The following DNAH11 variants were observed in gnomAD, a reference collection of about 807,000 sequenced individuals.
DNAH11 encodes dynein axonemal heavy chain 11.
A neutral mutation model predicts 526.0 loss-of-function variants in DNAH11; 442 were observed. That is an observed-to-expected ratio of 0.84 (90% CI 0.78 to 0.91). The LOEUF (loss-of-function observed/expected upper bound fraction) is 0.91. DNAH11 is among the 40% of genes least tolerant of loss of function. The pLI, the probability that DNAH11 is intolerant of heterozygous loss-of-function variation, is 0.00. For missense variants in DNAH11, 6,989 were observed against 5,448.7 expected, an observed-to-expected ratio of 1.28 and a Z score of -8.90; for synonymous variants, 2,461 against 1,935.9, an observed-to-expected ratio of 1.27 and a Z score of -7.12.
At chr7:21,778,751 A>T (rs1444878758) in intron 56 of DNAH11, among the ~76,000 whole-genome samples, 1 of 152,200 alleles carries the variant, frequency 6.6e-6, no homozygotes, top group Non-Finnish European at 1.5e-5. Flanking sequence ...CTGCAAAATC[A>T]TTGGAAAATA....
At chr7:21,858,197 C>T (rs556927535) in intron 68 of DNAH11, among the ~76,000 whole-genome samples, 1 of 152,254 alleles carries the variant, frequency 6.6e-6, no homozygotes, top group East Asian at 1.9e-4. Context: ...CTATGTCCCA[C>T]AGAATGGCTA....
intron 32 of DNAH11, among the ~76,000 whole-genome samples, chr7:21,685,906 T>C (rs763129565): frequency 1.6e-4 from 24 of 152,224 alleles, no homozygotes; most frequent in Non-Finnish European, 2.6e-4. Context: ...GGTTGGAGTT[T>C]GGTCACTTGG....
intron 69 of DNAH11, among the ~76,000 whole-genome samples, chr7:21,862,983 G>A (rs1005329403): frequency 6.2e-5 from 9 of 144,274 alleles, no homozygotes; most frequent in South Asian, 2.2e-4. Flanking sequence ...AGAATGGCAC[G>A]AACCCAGGAG....
intron 54 of DNAH11, among the ~76,000 whole-genome samples, chr7:21,756,382 C>G (rs1360486539): frequency 6.6e-6 from 1 of 151,804 alleles, no homozygotes; most frequent in Non-Finnish European, 1.5e-5. Context: ...TTAATTTGTT[C>G]CTGCATAATT....
intron 54 of DNAH11, among the ~76,000 whole-genome samples, chr7:21,750,985 A>C (rs1583657997): frequency 6.6e-6 from 1 of 152,152 alleles, no homozygotes; most frequent in African/African-American, 2.4e-5. Context: ...TGAATTAAGA[A>C]AGTGATGATG....
At chr7:21,869,041 C>T in intron 73 of DNAH11, 50 bp downstream of exon 73, 1 of 1,610,460 alleles carries the variant, frequency 6.2e-7, no homozygotes. Context: ...CAGAGGAGGG[C>T]CAGGGCAGAG....
chr7:21,636,190 A>T (rs1786856066), intron 26 of DNAH11, 95 bp downstream of exon 26: 2 of 1,097,516 alleles, frequency 1.8e-6, no homozygotes, highest in African/African-American at 1.6e-5. Flanking sequence ...GCATTTTTGC[A>T]TGAGTAAGCA....
At position 21,581,966 on chromosome 7, in the gene DNAH11, G is replaced by T. The variant is rs187510989; in HGVS notation, c.1655G>T (p.Gly552Val). 4.7e-5 allele frequency: 76 copies of T among 1,613,270 alleles called. No homozygotes were observed. The East Asian group carries it at 1.6e-3, about 34-fold the overall frequency. ...ACTCTGGAATTTGACAGAAGGCTTGGGACAATTATTTGTGAAGCTTTCTTT... is the reference window on the plus strand; with the variant it reads ...ACTCTGGAATTTGACAGAAGGCTTGTGACAATTATTTGTGAAGCTTTCTTT... ...SKTLEFDRRLGTIICEAFFNC... is the reference protein window; with the variant it reads ...SKTLEFDRRLVTIICEAFFNC... Residue 552 changes from glycine (G) to valine (V), a missense_variant, in exon 9 of 82, where the codon GGG becomes GTG. Physicochemically the swap from Gly to Val is moderately radical, Grantham distance 109. Coordinates refer to ENST00000409508, the MANE Select transcript of DNAH11 (RefSeq NM_001277115.2).
rs144406533 is a variant in DNAH11, at chr7:21,648,401, C to T, written c.4945-7431C>T. On this transcript the variant is annotated intron_variant, in intron 28 of 81. Coordinates refer to ENST00000409508, the MANE Select transcript of DNAH11 (RefSeq NM_001277115.2). ...TTGGCCACTGTGTCATTAGCAAAAGCTTGAAAATTTTTTGTATATCATCAC... is the reference window on the plus strand; with the variant it reads ...TTGGCCACTGTGTCATTAGCAAAAGTTTGAAAATTTTTTGTATATCATCAC... Among the ~76,000 whole-genome samples, 437 of 152,290 alleles carry T rather than the reference C, an allele frequency of 2.9e-3. 11 individuals are homozygous for T. The highest frequency in any genetic ancestry group is 0.025 in the Admixed American group (387 of 15,298).
At position 21,802,104 on chromosome 7, in the gene DNAH11, CAT is replaced by C. The variant is rs561163707; in HGVS notation, c.10165+831_10165+832del. On this transcript the variant is annotated intron_variant, in intron 62 of 81. Transcript: ENST00000409508. The stretch of plus-strand genomic sequence containing the variant: ...CAAGGTTGTGATGATTCTCAAAAGA[CAT>C]AATGTACGTTCAAGTATTTCCTAAC... Among the ~76,000 whole-genome samples the C allele has an allele frequency of 1.6e-4, 25 of 152,254 alleles. No individual in the cohort carries two copies. In the South Asian group the frequency reaches 5.2e-3, roughly 32 times the overall value.
At chr7:21,601,928 A>C (rs145100488) in intron 18 of DNAH11, among the ~76,000 whole-genome samples, 23 of 152,010 alleles carry the variant, frequency 1.5e-4, no homozygotes, top group Non-Finnish European at 3.2e-4. Flanking sequence ...TTTTGAGTTC[A>C]GTTTTACCAT....
chr7:21,666,898 G>T (rs978202577), intron 30 of DNAH11, among the ~76,000 whole-genome samples: 7 of 151,582 alleles, frequency 4.6e-5, no homozygotes, highest in Non-Finnish European at 1.0e-4. Context: ...GACAGGTAAG[G>T]TATATGAAAA....
rs1787131574 is a variant in DNAH11, at chr7:21,765,433, T to C, written c.8946T>C (p.Ile2982=). ...MARVRLQLKI[I]LCFSPVGRTL... ...TTGCCCCCATGTCTCCACAGATCAT[T>C]TTGTGTTTCTCTCCAGTTGGTCGCA... The change falls in exon 55 of 82, where the codon ATT becomes ATC. Residue 2982 remains isoleucine (I), a synonymous_variant. Transcript: ENST00000409508. 5 of 1,613,822 alleles carry C rather than the reference T, an allele frequency of 3.1e-6. No homozygotes were observed. The highest frequency in any genetic ancestry group is 4.2e-6 in the Non-Finnish European group (5 of 1,179,772).
chr7:21,851,215 C>T (rs1045851691), intron 66 of DNAH11: 15 of 211,108 alleles, frequency 7.1e-5, no homozygotes, highest in Non-Finnish European at 9.7e-5. Context: ...AGTGAGTTCT[C>T]ATAAGATCTG....
rs6970597 is a variant in DNAH11 at position 21,543,901 on chromosome 7, C to A, written c.351+305C>A. ...CTTTAGCTGCTTGGGTGTTAGGCGC[C>A]AGGTGGGCTTTCTGTGCCAAAAAAC... On this transcript the variant is annotated intron_variant, in intron 1 of 81. Transcript: ENST00000409508. The A allele has an allele frequency of 0.46, 184,886 of 400,186 alleles. 43,756 individuals carry two copies. Among genetic ancestry groups the A allele is most frequent in the South Asian group, 0.52 (12,200 of 23,614 alleles). The allele number at this position is 400,186 out of a possible 1,614,324, so 24.8% of individuals were successfully genotyped here.
At chr7:21,649,027 T>A (rs1787501287) in intron 28 of DNAH11, among the ~76,000 whole-genome samples, 1 of 152,204 alleles carries the variant, frequency 6.6e-6, no homozygotes, top group Non-Finnish European at 1.5e-5. Context: ...CTTTTTAATT[T>A]GTGTAGATAT....
intron 81 of DNAH11, 57 bp from the exon 82 acceptor site, chr7:21,900,950 T>C (rs1562613976): frequency 2.7e-6 from 4 of 1,508,946 alleles, no homozygotes; most frequent in Non-Finnish European, 3.5e-6. Context: ...ACTTACTTGA[T>C]CATTATCATT....
intron 22 of DNAH11, 40 bp from the exon 23 acceptor site, chr7:21,617,579 A>G (rs1221778303): frequency 6.2e-7 from 1 of 1,608,476 alleles, no homozygotes; most frequent in Non-Finnish European, 8.5e-7. Context: ...ATACTGTGTT[A>G]TATCTTGGGA....
In DNAH11 at chr7:21,629,739, T is replaced by C. The variant is rs558067279; in HGVS notation, c.4501-6132T>C. Among the ~76,000 whole-genome samples the C allele has an allele frequency of 2.6e-5, 4 of 152,280 alleles. No homozygotes were observed. The East Asian group carries it at 7.7e-4, about 29-fold the overall frequency. ...TTTTATCTGATCTAAGTATAGCTACTCTTACTCTTTTTTGGTTTCTAGTTG... is the reference window on the plus strand; with the variant it reads ...TTTTATCTGATCTAAGTATAGCTACCCTTACTCTTTTTTGGTTTCTAGTTG... On this transcript the variant is annotated intron_variant, in intron 25 of 81. Coordinates refer to ENST00000409508, the MANE Select transcript of DNAH11 (RefSeq NM_001277115.2).
Sources: gnomAD v4.1 joint callset for allele counts (sites outside exome capture counted in the v4.1 genomes callset) on GRCh38, gnomAD v4.1.1 for gene constraint, MANE v1.5 for transcripts, NCBI Gene and HGNC (gene_info 2026-07-23, HGNC 2026-07-21) for gene names.